MTUS2: variants seen among roughly 807,000 people sequenced by gnomAD.
MTUS2 encodes microtubule-associated tumor suppressor candidate 2.
MTUS2 carries 40 observed loss-of-function variants against 114.1 expected under a neutral mutation model. The ratio of observed to expected loss-of-function variants is 0.35; its 90% CI spans 0.27 to 0.46. The LOEUF is 0.46. MTUS2 is among the 20% of genes least tolerant of loss of function. MTUS2 has a pLI of 1.00. For synonymous variants in MTUS2, 688 were observed against 672.0 expected (o/e 1.02, Z -0.37); for missense variants, 1,679 against 1,705.4 (o/e 0.98, Z 0.27).
intron 5 of MTUS2, among the ~76,000 whole-genome samples, chr13:29,177,610 A>AT: frequency 6.6e-6 from 1 of 152,272 alleles, no homozygotes; most frequent in South Asian, 2.1e-4. Context: ...AATGAAACTT[A>AT]TTTTCCAAAC....
chr13:29,482,657 C>G (rs1881283209), intron 10 of MTUS2, among the ~76,000 whole-genome samples: 1 of 152,200 alleles, frequency 6.6e-6, no homozygotes, highest in Non-Finnish European at 1.5e-5. Flanking sequence ...ATTGAGGAAG[C>G]TTCGAGATAA....
At chr13:29,192,468 T>C (rs1166743962) in intron 5 of MTUS2, among the ~76,000 whole-genome samples, 1 of 152,154 alleles carries the variant, frequency 6.6e-6, no homozygotes, top group East Asian at 1.9e-4. Flanking sequence ...AGGAATAAGT[T>C]CTAGTGTTCT....
At chr13:29,489,661 C>A (rs1379940254) in intron 11 of MTUS2, 1 of 152,164 alleles carries the variant, frequency 6.6e-6, no homozygotes, top group African/African-American at 2.4e-5. Context: ...GGGGTGCAGC[C>A]CAGGCATCAG....
intron 2 of MTUS2, among the ~76,000 whole-genome samples, chr13:28,881,039 T>C (rs1400726865): frequency 6.6e-6 from 1 of 152,166 alleles, no homozygotes; most frequent in African/African-American, 2.4e-5. Context: ...GGATATACTG[T>C]GTAGTGGTGA....
chr13:28,911,346 T>G, intron 2 of MTUS2, among the ~76,000 whole-genome samples: 1 of 151,716 alleles, frequency 6.6e-6, no homozygotes, highest in East Asian at 1.9e-4. Flanking sequence ...CAGCTAATTT[T>G]TTGTATTTTA....
chr13:28,961,180 G>A (rs755177413), intron 2 of MTUS2, among the ~76,000 whole-genome samples: 2 of 152,106 alleles, frequency 1.3e-5, no homozygotes, highest in Non-Finnish European at 2.9e-5. Context: ...CCTGGAAAAT[G>A]AGGAGAAAGA....
At chr13:29,392,925 G>A (rs113560232) in intron 8 of MTUS2, among the ~76,000 whole-genome samples, 1,572 of 152,246 alleles carry the variant, frequency 0.01, 24 homozygotes, top group African/African-American at 0.035. Flanking sequence ...TTAAAAAACC[G>A]ATAAGTGGCA....
chr13:28,993,753 C>T (rs1057502882), intron 2 of MTUS2, among the ~76,000 whole-genome samples: 7 of 152,062 alleles, frequency 4.6e-5, no homozygotes, highest in African/African-American at 1.4e-4. Flanking sequence ...CTATTCCATT[C>T]CATTGGTTTG....
At chr13:29,346,444 G>C (rs1341119830) in intron 7 of MTUS2, among the ~76,000 whole-genome samples, 2 of 152,012 alleles carry the variant, frequency 1.3e-5, no homozygotes, top group African/African-American at 4.8e-5. Flanking sequence ...GGGGATTATG[G>C]CTGCCTCTGC....
intron 8 of MTUS2, among the ~76,000 whole-genome samples, chr13:29,365,792 T>C (rs1870659980): frequency 6.6e-6 from 1 of 152,204 alleles, no homozygotes; most frequent in African/African-American, 2.4e-5. Context: ...TCTAGACCCA[T>C]GGCCTCTGGC....
chr13:29,299,218 C>G (rs546137012), intron 6 of MTUS2, among the ~76,000 whole-genome samples: 6 of 152,160 alleles, frequency 3.9e-5, no homozygotes, highest in Non-Finnish European at 5.9e-5. Context: ...CACATGAGTG[C>G]ATGTCTTAGA....
At chr13:28,998,952 G>C (rs111783017) in intron 2 of MTUS2, among the ~76,000 whole-genome samples, 96 of 152,322 alleles carry the variant, frequency 6.3e-4, no homozygotes, top group African/African-American at 2.3e-3. Context: ...TTCCTTTGGA[G>C]GAGGAGAGGC....
intron 5 of MTUS2, among the ~76,000 whole-genome samples, chr13:29,189,646 C>T (rs1894367314): frequency 6.6e-6 from 1 of 151,910 alleles, no homozygotes; most frequent in African/African-American, 2.4e-5. Flanking sequence ...TCCACCATGT[C>T]TTGTTTGTTT....
chr13:29,281,546 A>C (rs975444636), intron 5 of MTUS2, among the ~76,000 whole-genome samples, 158 bp from the exon 6 acceptor site: 1 of 152,136 alleles, frequency 6.6e-6, no homozygotes, highest in African/African-American at 2.4e-5. Context: ...TCTTTTCCAC[A>C]TAGGGTTCCA....
chr13:29,012,094 T>A lies in MTUS2; in HGVS notation c.-242-12363T>A, dbSNP rs192930522. Among the ~76,000 whole-genome samples the A allele has an allele frequency of 1.2e-4, 19 of 152,314 alleles. No individual in the cohort carries two copies. In the East Asian group the frequency reaches 3.5e-3, roughly 28 times the overall value. ...CAAACAACCCCTGAGGTTTATAGCC[T>A]GCAGTCCTGTAGATAAGGGAGGGTC... On this transcript the variant is annotated intron_variant, in intron 2 of 15. Transcript: ENST00000612955.
chr13:29,063,056 C>T (rs557504303), intron 4 of MTUS2, among the ~76,000 whole-genome samples: 63 of 152,254 alleles, frequency 4.1e-4, no homozygotes, highest in African/African-American at 1.4e-3. Context: ...GAACTATTAC[C>T]TCCCTTTAGG....
chr13:29,286,489 T>C (rs1898486051), intron 6 of MTUS2, among the ~76,000 whole-genome samples: 1 of 152,118 alleles, frequency 6.6e-6, no homozygotes, highest in African/African-American at 2.4e-5. Context: ...CATGGTAAAA[T>C]GTGTAGAGAG....
intron 8 of MTUS2, among the ~76,000 whole-genome samples, chr13:29,366,473 C>T (rs1261973392): frequency 1.3e-5 from 2 of 152,044 alleles, no homozygotes; most frequent in Admixed American, 1.3e-4. Flanking sequence ...CCATATCAAG[C>T]GTTATCATTT....
intron 1 of MTUS2, among the ~76,000 whole-genome samples, chr13:28,825,694 A>G (rs538643843): frequency 1.3e-5 from 2 of 152,324 alleles, no homozygotes; most frequent in African/African-American, 2.4e-5. Flanking sequence ...CAGCCTTTCT[A>G]TACTCATGGG....
Sources: allele counts gnomAD v4.1 joint callset (sites outside exome capture counted in the v4.1 genomes callset), GRCh38; gene constraint gnomAD v4.1.1; transcripts MANE v1.5; gene names NCBI Gene and HGNC (gene_info 2026-07-23, HGNC 2026-07-21).